The following CEP112 variants were observed in gnomAD, a reference collection of about 807,000 sequenced individuals.
The protein encoded by CEP112 is centrosomal protein 112.
A neutral mutation model predicts 153.0 loss-of-function variants in CEP112; 127 were observed. The observed-to-expected ratio is 0.83, with a 90% CI of 0.72 to 0.96. The LOEUF is 0.96. CEP112 is among the 40% of genes least tolerant of loss of function. CEP112 has a pLI of 0.00. For synonymous variants in CEP112, 358 were observed against 374.4 expected (o/e 0.96, Z 0.51); for missense variants, 1,089 against 1,101.2 (o/e 0.99, Z 0.16).
chr17:65,925,394 C>G (rs2060888464), intron 19 of CEP112, among the ~76,000 whole-genome samples: 1 of 152,168 alleles, frequency 6.6e-6, no homozygotes, highest in African/African-American at 2.4e-5. Context: ...TTGGTAACAT[C>G]TATGTCCTGT....
At chr17:65,856,666 A>C (rs1390570563) in intron 20 of CEP112, among the ~76,000 whole-genome samples, 2 of 152,342 alleles carry the variant, frequency 1.3e-5, no homozygotes, top group East Asian at 3.9e-4. Context: ...GCATAGTGGT[A>C]AAATCTGGGC....
chr17:66,139,864 G>C (rs1439182976), intron 4 of CEP112, among the ~76,000 whole-genome samples: 1 of 152,114 alleles, frequency 6.6e-6, no homozygotes, highest in Non-Finnish European at 1.5e-5. Context: ...CATTTGAGAA[G>C]TGATGCCAAT....
intron 21 of CEP112, among the ~76,000 whole-genome samples, chr17:65,814,144 CAG>C (rs1259464431): frequency 6.6e-6 from 1 of 152,158 alleles, no homozygotes; most frequent in Admixed American, 6.6e-5. Context: ...AGAATCTGTT[CAG>C]AGAGGTTACT....
chr17:65,862,068 G>T (rs2058327477), intron 20 of CEP112, among the ~76,000 whole-genome samples: 1 of 152,068 alleles, frequency 6.6e-6, no homozygotes, highest in African/African-American at 2.4e-5. Context: ...GATACTGAAT[G>T]AAAAATGCAA....
intron 21 of CEP112, among the ~76,000 whole-genome samples, chr17:65,761,593 G>C (rs2052615014): frequency 6.6e-6 from 1 of 152,018 alleles, no homozygotes; most frequent in Admixed American, 6.6e-5. Context: ...ATTTTGGTAA[G>C]TTCTGGTTTC....
chr17:65,673,472 A>C (rs2144096541), intron 24 of CEP112, among the ~76,000 whole-genome samples: 1 of 152,072 alleles, frequency 6.6e-6, no homozygotes, highest in South Asian at 2.1e-4. Flanking sequence ...CTTATTAGTA[A>C]CCTTGATTAT....
At chr17:66,000,230 G>GTTTT (rs71361253) in intron 17 of CEP112, among the ~76,000 whole-genome samples, 2 of 142,640 alleles carry the variant, frequency 1.4e-5, no homozygotes, top group Non-Finnish European at 3.0e-5. Flanking sequence ...ACTGGCATCT[G>GTTTT]TTTTTTTTTT....
chr17:66,072,085 A>G (rs909919274), intron 8 of CEP112, among the ~76,000 whole-genome samples: 3 of 152,112 alleles, frequency 2.0e-5, no homozygotes, highest in African/African-American at 7.2e-5. Flanking sequence ...CCAATTTTTT[A>G]TATTTTGCCC....
chr17:66,186,140 A>G (rs756334170), intron 1 of CEP112, among the ~76,000 whole-genome samples: 1 of 151,816 alleles, frequency 6.6e-6, no homozygotes, highest in Non-Finnish European at 1.5e-5. Flanking sequence ...CCATCCTGCC[A>G]CTTCCCAACT....
At chr17:65,976,430 T>A (rs1299303534) in intron 17 of CEP112, among the ~76,000 whole-genome samples, 1 of 148,180 alleles carries the variant, frequency 6.7e-6, no homozygotes, top group Non-Finnish European at 1.5e-5. Flanking sequence ...AGTTTATAGT[T>A]GTTTATAGTA....
intron 4 of CEP112, among the ~76,000 whole-genome samples, chr17:66,173,617 G>A (rs1232676456): frequency 6.6e-6 from 1 of 152,138 alleles, no homozygotes; most frequent in Non-Finnish European, 1.5e-5. Context: ...AACAACTGAT[G>A]TATTTTGCAG....
At chr17:66,014,576 C>G (rs1475950560) in intron 16 of CEP112, among the ~76,000 whole-genome samples, 2 of 152,186 alleles carry the variant, frequency 1.3e-5, no homozygotes, top group Non-Finnish European at 2.9e-5. Flanking sequence ...CCAACCATCT[C>G]TCTAAGCAAC....
At chr17:65,967,006 A>G (rs1378274132) in intron 17 of CEP112, among the ~76,000 whole-genome samples, 1 of 152,364 alleles carries the variant, frequency 6.6e-6, no homozygotes, top group East Asian at 1.9e-4. Flanking sequence ...GATTATTCTC[A>G]TAAGCTCAAT....
At chr17:66,007,294 T>C (rs983000744) in intron 16 of CEP112, among the ~76,000 whole-genome samples, 7 of 152,092 alleles carry the variant, frequency 4.6e-5, no homozygotes, top group African/African-American at 1.4e-4. Flanking sequence ...TTTTAAATGG[T>C]AAATTTAAAG....
At chr17:66,000,501 A>AAAT (rs1379866362) in intron 17 of CEP112, among the ~76,000 whole-genome samples, 3 of 151,850 alleles carry the variant, frequency 2.0e-5, no homozygotes, top group Non-Finnish European at 4.4e-5. Flanking sequence ...TTAAAAAAAA[A>AAAT]AAAAAAGGAT....
At chr17:65,714,864 T>C (rs1171463307) in intron 23 of CEP112, among the ~76,000 whole-genome samples, 1 of 152,028 alleles carries the variant, frequency 6.6e-6, no homozygotes, top group African/African-American at 2.4e-5. Flanking sequence ...GGATGAGGGG[T>C]AGGCAGGCTA....
At chr17:66,155,438 T>C (rs1313197951) in intron 4 of CEP112, among the ~76,000 whole-genome samples, 1 of 151,668 alleles carries the variant, frequency 6.6e-6, no homozygotes, top group Non-Finnish European at 1.5e-5. Context: ...ACCAGGGCCC[T>C]GGGTTTCAAG....
chr17:65,741,744 G>C (rs1478377410), intron 23 of CEP112, among the ~76,000 whole-genome samples: 1 of 151,674 alleles, frequency 6.6e-6, no homozygotes, highest in Non-Finnish European at 1.5e-5. Flanking sequence ...TGGACATAAA[G>C]TGAAACAGAA....
chr17:65,969,935 G>T (rs1187662608), intron 17 of CEP112, among the ~76,000 whole-genome samples: 2 of 151,986 alleles, frequency 1.3e-5, no homozygotes, highest in African/African-American at 2.4e-5. Context: ...ATGCGCTACA[G>T]GCATGCATAT....
Sources: allele counts gnomAD v4.1 joint callset (sites outside exome capture counted in the v4.1 genomes callset), GRCh38; gene constraint gnomAD v4.1.1; transcripts MANE v1.5; gene names NCBI Gene and HGNC (gene_info 2026-07-23, HGNC 2026-07-21).